EPHB6: variants seen among roughly 807,000 people sequenced by gnomAD.
EPHB6 encodes the protein EPH receptor B6.
In EPHB6, 51 loss-of-function variants were observed where a neutral mutation model predicts 107.0. That is an observed-to-expected ratio of 0.48 (90% CI 0.38 to 0.60). The LOEUF is 0.60. Ranked by LOEUF, EPHB6 falls within the 20% of genes least tolerant of loss-of-function variation. The probability of loss-of-function intolerance (pLI) is 0.00; values close to 1 mark genes in which losing one functional copy is unlikely to be tolerated. For missense variants in EPHB6, 1,141 were observed against 1,355.5 expected (o/e 0.84, Z 2.48); for synonymous variants, 553 against 549.0 (o/e 1.01, Z -0.10).
In EPHB6 at chr7:142,869,206, T is replaced by C; in HGVS notation, c.2460+59T>C. On this transcript the variant is annotated intron_variant, in intron 16 of 19. Coordinates refer to ENST00000652003, the MANE Select transcript of EPHB6 (RefSeq NM_004445.6). This position sits in a 1 kb window ranked among gnomAD's most constrained non-coding sequence, Gnocchi z 4.5. ...CCTTGTGGCATGCCCCAGCAGGTGC[T>C]GGGGTCGGGGGTGAGCTGGAATCTG... 1 of 1,587,698 alleles carries C rather than the reference T, an allele frequency of 6.3e-7. No homozygotes were observed.
rs1794714902 is a variant in EPHB6, at chr7:142,868,285, C to T, written c.1963C>T (p.Pro655Ser). The change falls in exon 14 of 20, where the codon CCC (proline) becomes TCC (serine). Residue 655 changes from proline (P) to serine (S), a missense_variant. Physicochemically the swap from Pro to Ser is moderately conservative, Grantham distance 74. This residue lies in a region of EPHB6 where 616 missense variants were observed against 759.3 expected (regional missense o/e 0.81). Coordinates refer to ENST00000652003, the MANE Select transcript of EPHB6 (RefSeq NM_004445.6). The surrounding 1 kb of genome is among the most constrained non-coding windows in gnomAD (Gnocchi z 4.2). The part of the protein sequence containing the change: ...YYIDPSTYED[P>S]CQAIRELARE... ...CATCGACCCCTCCACCTACGAGGAC[C>T]CCTGTCAGGCCATCCGAGAACTTGC... 1.2e-6 allele frequency: 2 copies of T among 1,614,166 alleles called. No homozygotes were observed. Among genetic ancestry groups the T allele is most frequent in the Non-Finnish European group, 1.7e-6 (2 of 1,180,016 alleles).
intron 3 of EPHB6, 70 bp downstream of exon 3, chr7:142,862,203 T>A (rs1405508400): frequency 1.3e-5 from 2 of 152,178 alleles, no homozygotes; most frequent in East Asian, 1.9e-4. Context: ...TCCACCCTCA[T>A]GACCTAAAAT....
intron 5 of EPHB6, 76 bp from the exon 6 acceptor site, chr7:142,863,554 CG>C (rs1802952294): frequency 2.6e-6 from 4 of 1,541,730 alleles, no homozygotes; most frequent in Admixed American, 3.3e-5. Flanking sequence ...TTCTTTTGTT[CG>C]CGGTGGGAAT....
Position 142,867,287 on chromosome 7 carries a change from G to A in EPHB6, c.1750+219G>A. 1.5e-6 allele frequency: 1 copy of A among 647,634 alleles called. No homozygotes were observed. The highest frequency in any genetic ancestry group is 2.7e-6 in the Non-Finnish European group (1 of 374,182). 40.1% of individuals were successfully genotyped at this position (647,634 alleles called of 1,614,324 possible). On this transcript the variant is annotated intron_variant, in intron 11 of 19. Coordinates refer to ENST00000652003, the MANE Select transcript of EPHB6 (RefSeq NM_004445.6). This position sits in a 1 kb window ranked among gnomAD's most constrained non-coding sequence, Gnocchi z 5.3. ...TGCATGTTGAGTGTGGATATAGGAG[G>A]GCTGTGGGGATGTGTGTGTGTGTTG...
Position 142,868,054 on chromosome 7 carries a change from G to T in EPHB6, c.1918+5G>T, listed in dbSNP as rs756720161. ...TGCAGCAATACAGCAGCCCAGGTGG[G>T]GATGAGGAGAGGAAATGGGTGGGGC... On this transcript the variant is annotated splice_donor_5th_base_variant and intron_variant, in intron 13 of 19. Transcript: ENST00000652003. This position sits in a 1 kb window ranked among gnomAD's most constrained non-coding sequence, Gnocchi z 4.2. 1.9e-6 allele frequency: 3 copies of T among 1,604,436 alleles called. No homozygotes were observed. Among genetic ancestry groups the T allele is most frequent in the Non-Finnish European group, 2.6e-6 (3 of 1,175,378 alleles).
chr7:142,870,988 TGA>T lies in EPHB6; in HGVS notation c.*89_*90del. ...GTGAGCCGGGCTCCAACAGCCTCTG[TGA>T]GAGATGCCCCACACCAAACCCAACC... On this transcript the variant is annotated 3_prime_UTR_variant, in exon 20 of 20. Transcript: ENST00000652003. 7.5e-7 allele frequency: 1 copy of T among 1,339,904 alleles called. No homozygotes were observed. Among genetic ancestry groups the T allele is most frequent in the Non-Finnish European group, 1.0e-6 (1 of 967,102 alleles). 83.0% of individuals were successfully genotyped at this position (1,339,904 alleles called of 1,614,324 possible).
In EPHB6 at chr7:142,868,828, C is replaced by G. The variant is rs935438700; in HGVS notation, c.2286+89C>G. On this transcript the variant is annotated intron_variant, in intron 15 of 19. Coordinates refer to ENST00000652003, the MANE Select transcript of EPHB6 (RefSeq NM_004445.6). The surrounding 1 kb of genome is among the most constrained non-coding windows in gnomAD (Gnocchi z 4.2). ...TCCTGTATCTTTGCTTCTTACCACC[C>G]CACCTTCCATGGTCTCCGTCCTTCC... 39 of 1,607,352 alleles carry G rather than the reference C, an allele frequency of 2.4e-5. No individual in the cohort carries two copies. In the East Asian group the frequency reaches 6.2e-4, roughly 26 times the overall value.
rs199848311 is a variant in EPHB6, at chr7:142,869,796, G to T, written c.2461-21G>T. 1.8e-3 allele frequency: 2,856 copies of T among 1,613,990 alleles called. 6 individuals carry two copies. Among genetic ancestry groups the T allele is most frequent in the Non-Finnish European group, 2.2e-3 (2,610 of 1,179,932 alleles). ...ACTATTACTATGATTATTACTATTT[G>T]CTTTTGACTTTACCCCTCAGGGCCC... On this transcript the variant is annotated intron_variant, in intron 16 of 19. Coordinates refer to ENST00000652003, the MANE Select transcript of EPHB6 (RefSeq NM_004445.6). The surrounding 1 kb of genome is among the most constrained non-coding windows in gnomAD (Gnocchi z 4.5).
intron 4 of EPHB6, 116 bp downstream of exon 4, chr7:142,862,949 T>C (rs568233585): frequency 2.0e-6 from 1 of 508,142 alleles, no homozygotes; most frequent in South Asian, 2.8e-5. Context: ...GATGGTCAAA[T>C]GTGCACCGGC....
At chr7:142,865,350 G>T in intron 7 of EPHB6, 125 bp from the exon 8 acceptor site, 2 of 1,275,158 alleles carry the variant, frequency 1.6e-6, no homozygotes, top group Non-Finnish European at 2.2e-6. Flanking sequence ...GTTCAGTCTT[G>T]GAAGAAAAGG....
At chr7:142,857,050 C>T (rs908897662) in intron 1 of EPHB6, among the ~76,000 whole-genome samples, 10 of 152,240 alleles carry the variant, frequency 6.6e-5, no homozygotes, top group African/African-American at 2.4e-4. Context: ...AACACCCTCC[C>T]TTATGCTCTT....
chr7:142,856,274 G>A (rs1802609148), intron 1 of EPHB6, among the ~76,000 whole-genome samples: 1 of 152,238 alleles, frequency 6.6e-6, no homozygotes, highest in African/African-American at 2.4e-5. Context: ...AGCTGCCCAA[G>A]TAAGGGGCAT....
chr7:142,855,478 C>T lies in EPHB6; in HGVS notation c.-432+93C>T, dbSNP rs918104854. Reference sequence around the variant, plus strand: ...TAAGGTTTGCAAGAGTAGTGGGGCTCCTCAGCCCCTAGGTGGCTTCCTGAG... The same window carrying T: ...TAAGGTTTGCAAGAGTAGTGGGGCTTCTCAGCCCCTAGGTGGCTTCCTGAG... On this transcript the variant is annotated intron_variant, in intron 1 of 19. Coordinates refer to ENST00000652003, the MANE Select transcript of EPHB6 (RefSeq NM_004445.6). This position sits in a 1 kb window ranked among gnomAD's most constrained non-coding sequence, Gnocchi z 4.2. The T allele has an allele frequency of 1.3e-5, 2 of 152,360 alleles. No individual in the cohort carries two copies. Among genetic ancestry groups the T allele is most frequent in the African/African-American group, 4.8e-5 (2 of 41,446 alleles). The allele number at this position is 152,360 out of a possible 1,614,324, so 9.4% of individuals were successfully genotyped here.
In EPHB6 at chr7:142,867,444, G is replaced by A; in HGVS notation, c.1751-164G>A. On this transcript the variant is annotated intron_variant, in intron 11 of 19. Transcript: ENST00000652003. This position sits in a 1 kb window ranked among gnomAD's most constrained non-coding sequence, Gnocchi z 5.3. Reference sequence around the variant, plus strand: ...CCCTGTGTGTGGATGTGGGAGGGCTGTGGGCGTGTGTGTGTGTTGTGTGTC... The same window carrying A: ...CCCTGTGTGTGGATGTGGGAGGGCTATGGGCGTGTGTGTGTGTTGTGTGTC... The A allele has an allele frequency of 1.4e-6, 1 of 696,188 alleles. No homozygotes were observed. The allele number at this position is 696,188 out of a possible 1,614,324, so 43.1% of individuals were successfully genotyped here.
At chr7:142,860,793 C>T (rs1802806542) in intron 1 of EPHB6, among the ~76,000 whole-genome samples, 2 of 152,126 alleles carry the variant, frequency 1.3e-5, no homozygotes, top group Admixed American at 1.3e-4. Context: ...GGTGTATTTC[C>T]ATGATAACTT....
chr7:142,868,921 G>A lies in EPHB6; in HGVS notation c.2287-53G>A, dbSNP rs1437692246. The A allele has an allele frequency of 3.3e-6, 5 of 1,499,188 alleles. No homozygotes were observed. In the South Asian group the frequency reaches 4.6e-5, roughly 14 times the overall value. 92.9% of individuals were successfully genotyped at this position (1,499,188 alleles called of 1,614,324 possible). On this transcript the variant is annotated intron_variant, in intron 15 of 19. Coordinates refer to ENST00000652003, the MANE Select transcript of EPHB6 (RefSeq NM_004445.6). The surrounding 1 kb of genome is among the most constrained non-coding windows in gnomAD (Gnocchi z 4.2). ...TGTTGTCTGCTATGCAGTATGTTGA[G>A]GTCTCCCCCTGTCTCCGATCACTGA...
Position 142,868,529 on chromosome 7 carries a change from A to T in EPHB6, c.2076A>T (p.Pro692=), listed in dbSNP as rs1164988682. The change falls in exon 15 of 20, where the codon CCA becomes CCT. Residue 692 remains proline, a synonymous_variant. Transcript: ENST00000652003. This position sits in a 1 kb window ranked among gnomAD's most constrained non-coding sequence, Gnocchi z 4.2. ...AAGTGCGCCAGGGCCGCCTGCAGCC[A>T]CGGGGACGGAGGGAGCAGACTGTGG... ...FGEVRQGRLQ[P]RGRREQTVAI... 6.2e-7 allele frequency: 1 copy of T among 1,613,786 alleles called. No homozygotes were observed. Among genetic ancestry groups the T allele is most frequent in the Admixed American group, 1.7e-5 (1 of 60,030 alleles).
rs891646815 is a variant in EPHB6, at chr7:142,866,085, T to A, written c.1231T>A (p.Cys411Ser). The A allele has an allele frequency of 9.9e-6, 16 of 1,611,180 alleles. No homozygotes were observed. The highest frequency in any genetic ancestry group is 1.4e-5 in the Non-Finnish European group (16 of 1,178,764). The part of the protein sequence containing the change: ...DLLFNVVCKE[C>S]EGRQEPASGG... ...GCTCTTCAATGTCGTGTGCAAGGAG[T>A]GTGAAGGCCGCCAGGAACCTGCCAG... The change falls in exon 9 of 20, where the codon TGT (cysteine) becomes AGT (serine). Residue 411 changes from cysteine to serine, a missense_variant. This residue lies in a region of EPHB6 where 304 missense variants were observed against 295.7 expected (regional missense o/e 1.03). Transcript: ENST00000652003. The surrounding 1 kb of genome is among the most constrained non-coding windows in gnomAD (Gnocchi z 5.2).
At position 142,867,976 on chromosome 7, in the gene EPHB6, A is replaced by C; in HGVS notation, c.1866-21A>C. On this transcript the variant is annotated intron_variant, in intron 12 of 19. Coordinates refer to ENST00000652003, the MANE Select transcript of EPHB6 (RefSeq NM_004445.6). This position sits in a 1 kb window ranked among gnomAD's most constrained non-coding sequence, Gnocchi z 5.3. ...GGGTGGAAATGGGAGCGTCATCCCC[A>C]GTCACCGTTTTGTTCCTCAGGAAGC... The C allele has an allele frequency of 6.4e-7, 1 of 1,563,030 alleles. No individual in the cohort carries two copies.
Sources: gnomAD v4.1 joint callset for allele counts (sites outside exome capture counted in the v4.1 genomes callset) on GRCh38, gnomAD v4.1.1 for gene constraint, gnomAD v4.1.1 regional missense constraint, Gnocchi (gnomAD v3.1) non-coding constraint, MANE v1.5 for transcripts, NCBI Gene and HGNC (gene_info 2026-07-23, HGNC 2026-07-21) for gene names.